Variants in DKK2 observed in about 807,000 individuals in gnomAD.
DKK2 encodes dickkopf-related protein 2.
Under a neutral mutation model 28.1 loss-of-function variants are expected in DKK2, and 11 were observed. The ratio of observed to expected loss-of-function variants is 0.39; its 90% CI spans 0.25 to 0.65. DKK2 has a LOEUF of 0.65. DKK2 is among the 30% of genes least tolerant of loss of function. The probability of loss-of-function intolerance (pLI) is 0.47; values close to 1 mark genes in which losing one functional copy is unlikely to be tolerated. For synonymous variants in DKK2, 135 were observed against 126.5 expected, an observed-to-expected ratio of 1.07 and a Z score of -0.45; for missense variants, 326 against 335.5, an observed-to-expected ratio of 0.97 and a Z score of 0.22.
At position 106,924,431 on chromosome 4, in the gene DKK2, C is replaced by G. The variant is rs1032247062; in HGVS notation, c.529+114G>C. Reference sequence around the variant, plus strand: ...CCTAAATAACAAGTTTAATGACTAGCTAGGATTAAAGAAACTTCCTTGTAA... The same window carrying G: ...CCTAAATAACAAGTTTAATGACTAGGTAGGATTAAAGAAACTTCCTTGTAA... On this transcript the variant is annotated intron_variant, in intron 3 of 3. Transcript: ENST00000285311. 5.1e-6 allele frequency: 7 copies of G among 1,363,914 alleles called. No homozygotes were observed. In the African/African-American group the frequency reaches 1.0e-4, roughly 20 times the overall value. 84.5% of individuals were successfully genotyped at this position (1,363,914 alleles called of 1,614,324 possible).
chr4:106,939,397 AC>A (rs1724655376), intron 1 of DKK2, among the ~76,000 whole-genome samples: 1 of 152,220 alleles, frequency 6.6e-6, no homozygotes, highest in South Asian at 2.1e-4. Context: ...AATCCAACTT[AC>A]AAGGGATGTG....
chr4:106,998,840 T>G (rs1723314927), intron 1 of DKK2, among the ~76,000 whole-genome samples: 1 of 152,216 alleles, frequency 6.6e-6, no homozygotes, highest in Non-Finnish European at 1.5e-5. Flanking sequence ...AAATTTCAGG[T>G]CATTTTTTAT....
intron 1 of DKK2, among the ~76,000 whole-genome samples, chr4:106,928,472 T>G (rs1293428302): frequency 2.6e-5 from 4 of 152,130 alleles, no homozygotes; most frequent in African/African-American, 9.7e-5. Context: ...AAAAATAAAT[T>G]TTTTAATAAT....
intron 1 of DKK2, among the ~76,000 whole-genome samples, chr4:106,990,583 C>T (rs1385112434): frequency 1.3e-5 from 2 of 152,148 alleles, no homozygotes; most frequent in African/African-American, 4.8e-5. Flanking sequence ...TTGCTCATTT[C>T]CATAGTCTAA....
chr4:106,959,025 G>A (rs1324027767), intron 1 of DKK2, among the ~76,000 whole-genome samples: 1 of 151,364 alleles, frequency 6.6e-6, no homozygotes, highest in East Asian at 1.9e-4. Flanking sequence ...GTTAATATAT[G>A]AATATAAAAG....
At chr4:106,968,384 T>C (rs1315245974) in intron 1 of DKK2, among the ~76,000 whole-genome samples, 1 of 152,134 alleles carries the variant, frequency 6.6e-6, no homozygotes, top group Non-Finnish European at 1.5e-5. Flanking sequence ...CCCAGGATAA[T>C]CAACTTGCTT....
intron 1 of DKK2, among the ~76,000 whole-genome samples, chr4:106,969,561 T>G (rs1003739821): frequency 2.6e-4 from 39 of 151,820 alleles, no homozygotes; most frequent in Admixed American, 6.6e-5. Flanking sequence ...AAGACAGGAG[T>G]GATATTCTTT....
At chr4:106,940,734 A>G (rs910379805) in intron 1 of DKK2, among the ~76,000 whole-genome samples, 12 of 152,160 alleles carry the variant, frequency 7.9e-5, no homozygotes, top group African/African-American at 1.4e-4. Context: ...GATAGACTGG[A>G]TTAAGAAAAT....
chr4:106,955,856 G>A (rs1050226099), intron 1 of DKK2, among the ~76,000 whole-genome samples: 2 of 152,148 alleles, frequency 1.3e-5, no homozygotes, highest in African/African-American at 4.8e-5. Context: ...CTTCTGTCAA[G>A]TCCTCTCACG....
intron 1 of DKK2, 104 bp from the exon 2 acceptor site, chr4:106,926,053 T>C: frequency 7.8e-7 from 1 of 1,275,946 alleles, no homozygotes; most frequent in Non-Finnish European, 1.1e-6. Flanking sequence ...ACAATATATC[T>C]CACCCGGAAG....
chr4:107,008,722 T>A (rs1380028778), intron 1 of DKK2, among the ~76,000 whole-genome samples: 3 of 151,996 alleles, frequency 2.0e-5, no homozygotes, highest in Non-Finnish European at 2.9e-5. Flanking sequence ...TAAACAGACA[T>A]GCACACATGA....
At chr4:107,003,979 T>C (rs1723400048) in intron 1 of DKK2, among the ~76,000 whole-genome samples, 1 of 152,202 alleles carries the variant, frequency 6.6e-6, no homozygotes, top group African/African-American at 2.4e-5. Context: ...CTCTTGTTTA[T>C]GAGAGACAGC....
At chr4:107,015,783 C>T (rs1723588114) in intron 1 of DKK2, among the ~76,000 whole-genome samples, 1 of 151,610 alleles carries the variant, frequency 6.6e-6, no homozygotes, top group Non-Finnish European at 1.5e-5. Context: ...AATAACTGTC[C>T]TTTTCATCTC....
Position 107,026,027 on chromosome 4 carries a change from T to C in DKK2, c.222+9343A>G, listed in dbSNP as rs556073080. Among the ~76,000 whole-genome samples, 5 of 152,342 alleles carry C rather than the reference T, an allele frequency of 3.3e-5. No individual in the cohort carries two copies. In the East Asian group the frequency reaches 7.7e-4, roughly 24 times the overall value. ...TCTTTGTCAGAGGCATTGATTATAGTACATTGGGCAGATCATGAAACACCT... is the reference window on the plus strand; with the variant it reads ...TCTTTGTCAGAGGCATTGATTATAGCACATTGGGCAGATCATGAAACACCT... On this transcript the variant is annotated intron_variant, in intron 1 of 3. Coordinates refer to ENST00000285311, the MANE Select transcript of DKK2 (RefSeq NM_014421.3).
intron 1 of DKK2, among the ~76,000 whole-genome samples, chr4:106,943,827 G>C (rs77571736): frequency 0.025 from 3,867 of 152,154 alleles, 63 homozygotes; most frequent in Non-Finnish European, 0.037. Flanking sequence ...GCTATTCAGA[G>C]CAGTAACTAT....
At chr4:106,945,389 A>G (rs953542882) in intron 1 of DKK2, among the ~76,000 whole-genome samples, 2 of 152,196 alleles carry the variant, frequency 1.3e-5, no homozygotes, top group African/African-American at 4.8e-5. Context: ...TTTCAAACAC[A>G]GTGTAACAAA....
chr4:106,945,306 T>G (rs1189615428), intron 1 of DKK2, among the ~76,000 whole-genome samples: 1 of 152,140 alleles, frequency 6.6e-6, no homozygotes, highest in Non-Finnish European at 1.5e-5. Flanking sequence ...ATAGAAATGT[T>G]AATAAGTGTC....
chr4:106,964,501 G>C (rs1296588121), intron 1 of DKK2, among the ~76,000 whole-genome samples: 1 of 151,418 alleles, frequency 6.6e-6, no homozygotes, highest in African/African-American at 2.5e-5. Context: ...AAATAACTAA[G>C]AGTGGAATTA....
chr4:107,025,603 A>G (rs73837537), intron 1 of DKK2, among the ~76,000 whole-genome samples: 1,764 of 152,200 alleles, frequency 0.012, 40 homozygotes, highest in African/African-American at 0.041. Context: ...CAGCCCCACC[A>G]CCACTTTTGT....
Sources: allele counts gnomAD v4.1 joint callset (sites outside exome capture counted in the v4.1 genomes callset), GRCh38; gene constraint gnomAD v4.1.1; transcripts MANE v1.5; gene names NCBI Gene and HGNC (gene_info 2026-07-23, HGNC 2026-07-21).